SPMIP2: variants seen among roughly 807,000 people sequenced by gnomAD.
SPMIP2 encodes protein SPMIP2.
At chr4:158,955,457 T>A in the SPMIP2 span, among the ~76,000 whole-genome samples, 3 of 152,184 alleles carry the variant, frequency 2.0e-5, no homozygotes, top group South Asian at 6.2e-4. Flanking sequence ...CAGGCTGGAG[T>A]GCAGTTCCAT....
At chr4:158,895,761 T>C in the SPMIP2 span, 6 of 1,609,308 alleles carry the variant, frequency 3.7e-6, no homozygotes, top group Non-Finnish European at 5.1e-6. Flanking sequence ...GCATCATGCA[T>C]CTTGAAGATA....
the SPMIP2 span, among the ~76,000 whole-genome samples, chr4:159,027,760 A>C: frequency 9.2e-5 from 14 of 152,258 alleles, no homozygotes; most frequent in African/African-American, 3.4e-4. Context: ...AGAGCAAAAA[A>C]TAAGATGAAT....
the SPMIP2 span, chr4:158,960,153 C>T: frequency 2.9e-5 from 17 of 590,124 alleles, no homozygotes; most frequent in Admixed American, 1.1e-4. Flanking sequence ...AATAAAAATT[C>T]GTAAATTTAT....
At chr4:159,070,517 A>G in the SPMIP2 span, among the ~76,000 whole-genome samples, 1 of 152,220 alleles carries the variant, frequency 6.6e-6, no homozygotes, top group Admixed American at 6.5e-5. Context: ...ATTAAGTTTT[A>G]ATGCCAGATG....
At chr4:159,013,965 G>A in the SPMIP2 span, among the ~76,000 whole-genome samples, 7 of 152,080 alleles carry the variant, frequency 4.6e-5, no homozygotes, top group Non-Finnish European at 8.8e-5. Context: ...GAGAGTGAGT[G>A]TTTAATAGGT....
chr4:158,930,094 A>C, the SPMIP2 span, among the ~76,000 whole-genome samples: 1 of 152,100 alleles, frequency 6.6e-6, no homozygotes, highest in East Asian at 1.9e-4. Flanking sequence ...TTCTTGGCTG[A>C]CAGTCTGTCT....
At chr4:158,969,872 T>A in the SPMIP2 span, among the ~76,000 whole-genome samples, 1 of 152,218 alleles carries the variant, frequency 6.6e-6, no homozygotes, top group East Asian at 1.9e-4. Flanking sequence ...TGTGAGACAC[T>A]GAGGAGTCTC....
the SPMIP2 span, among the ~76,000 whole-genome samples, chr4:159,052,462 ACT>A: frequency 6.6e-6 from 1 of 151,868 alleles, no homozygotes; most frequent in African/African-American, 2.4e-5. Flanking sequence ...GATGCCACAA[ACT>A]CTGCAACTAG....
At chr4:159,022,759 C>A in the SPMIP2 span, among the ~76,000 whole-genome samples, 2 of 152,106 alleles carry the variant, frequency 1.3e-5, no homozygotes, top group African/African-American at 4.8e-5. Context: ...TGGCCGGGCG[C>A]GGTGGCTCAC....
chr4:158,915,654 T>C, the SPMIP2 span, among the ~76,000 whole-genome samples: 1 of 152,148 alleles, frequency 6.6e-6, no homozygotes, highest in Non-Finnish European at 1.5e-5. Flanking sequence ...GCTGTGAAGT[T>C]GAAGGTGATA....
the SPMIP2 span, among the ~76,000 whole-genome samples, chr4:158,921,618 G>A: frequency 2.6e-5 from 4 of 152,212 alleles, no homozygotes; most frequent in South Asian, 2.1e-4. Context: ...AGCCTGTACA[G>A]CCTGCAGAAC....
At chr4:158,977,455 T>A in the SPMIP2 span, among the ~76,000 whole-genome samples, 1 of 152,154 alleles carries the variant, frequency 6.6e-6, no homozygotes, top group Non-Finnish European at 1.5e-5. Flanking sequence ...TTTATCATTT[T>A]CTGTTGCATC....
the SPMIP2 span, among the ~76,000 whole-genome samples, chr4:158,920,703 C>CG: frequency 6.6e-6 from 1 of 152,214 alleles, no homozygotes; most frequent in African/African-American, 2.4e-5. Context: ...ATACATGCAC[C>CG]ACTGAACAGA....
At chr4:158,916,280 G>A in the SPMIP2 span, among the ~76,000 whole-genome samples, 1 of 152,206 alleles carries the variant, frequency 6.6e-6, no homozygotes, top group Non-Finnish European at 1.5e-5. Flanking sequence ...AAATATTTGG[G>A]AAGTACTAGG....
chr4:159,030,675 T>G, the SPMIP2 span, among the ~76,000 whole-genome samples: 1 of 152,068 alleles, frequency 6.6e-6, no homozygotes, highest in South Asian at 2.1e-4. Flanking sequence ...TTTTGTATTT[T>G]TAGTAGAGAT....
the SPMIP2 span, among the ~76,000 whole-genome samples, chr4:158,951,435 C>T: frequency 6.6e-6 from 1 of 152,170 alleles, no homozygotes; most frequent in Non-Finnish European, 1.5e-5. Context: ...TGTATCTAGA[C>T]ATACCCAAAC....
the SPMIP2 span, among the ~76,000 whole-genome samples, chr4:159,019,620 T>C: frequency 2.0e-5 from 3 of 152,122 alleles, no homozygotes; most frequent in Admixed American, 2.0e-4. Context: ...AGGGTTAGAA[T>C]TCAGGAAACC....
At chr4:158,967,468 T>C in the SPMIP2 span, among the ~76,000 whole-genome samples, 1 of 152,100 alleles carries the variant, frequency 6.6e-6, no homozygotes, top group Non-Finnish European at 1.5e-5. Context: ...TAACTATAAG[T>C]AAAAAGTGAG....
the SPMIP2 span, among the ~76,000 whole-genome samples, chr4:159,034,547 G>A: frequency 6.6e-6 from 1 of 152,224 alleles, no homozygotes; most frequent in Admixed American, 6.5e-5. Flanking sequence ...GCAACAAGAT[G>A]ATGATGATCA....
Sources: gnomAD v4.1 joint callset for allele counts (sites outside exome capture counted in the v4.1 genomes callset) on GRCh38, gnomAD v4.1.1 for gene constraint, MANE v1.5 for transcripts, NCBI Gene and HGNC (gene_info 2026-07-23, HGNC 2026-07-21) for gene names.